FAM184B: variants seen among roughly 807,000 people sequenced by gnomAD.
FAM184B encodes the protein family with sequence similarity 184 member B.
In FAM184B, 111 loss-of-function variants were observed where a neutral mutation model predicts 135.9. That is an observed-to-expected ratio of 0.82 (90% CI 0.70 to 0.96). The LOEUF is 0.96. Among genes scored for constraint, FAM184B ranks in the 40% least tolerant of loss-of-function variants. The pLI is 0.00. For missense variants in FAM184B, 1,375 were observed against 1,323.9 expected (o/e 1.04, Z -0.60); for synonymous variants, 552 against 524.8 (o/e 1.05, Z -0.71).
intron 1 of FAM184B, among the ~76,000 whole-genome samples, chr4:17,737,552 T>C (rs1356243995): frequency 6.6e-6 from 1 of 152,148 alleles, no homozygotes; most frequent in South Asian, 2.1e-4. Context: ...AACATATTCA[T>C]AGAATTTTAA....
At chr4:17,688,679 C>CTTTTTT in intron 6 of FAM184B, 148 bp from the exon 7 acceptor site, 1 of 210,768 alleles carries the variant, frequency 4.7e-6, no homozygotes. Context: ...TCTAGAAATG[C>CTTTTTT]CTTTTTTTTT....
At chr4:17,665,432 A>C (rs1716024242) in intron 7 of FAM184B, among the ~76,000 whole-genome samples, 1 of 152,240 alleles carries the variant, frequency 6.6e-6, no homozygotes, top group Admixed American at 6.5e-5. Flanking sequence ...TGTCCATGAA[A>C]ACAGTATAAG....
At chr4:17,650,700 G>C (rs754992129) in intron 11 of FAM184B, among the ~76,000 whole-genome samples, 3 of 152,148 alleles carry the variant, frequency 2.0e-5, no homozygotes, top group Non-Finnish European at 4.4e-5. Context: ...TCCCATGTAG[G>C]CACCTCCATT....
intron 1 of FAM184B, among the ~76,000 whole-genome samples, chr4:17,724,130 C>T (rs2108973896): frequency 6.6e-6 from 1 of 151,992 alleles, no homozygotes; most frequent in East Asian, 1.9e-4. Flanking sequence ...CACACACACA[C>T]ACACTCACAC....
Position 17,639,241 on chromosome 4 carries a change from C to G in FAM184B, c.2666+9G>C, listed in dbSNP as rs1011841120. 1 of 1,551,348 alleles carries G rather than the reference C, an allele frequency of 6.4e-7. No individual in the cohort carries two copies. Among genetic ancestry groups the G allele is most frequent in the Non-Finnish European group, 8.7e-7 (1 of 1,146,752 alleles). ...CAAGACCCTCCCTGGGGCCCGAGGC[C>G]TCACTTACTCGGCTTCCAGGGCAGC... On this transcript the variant is annotated intron_variant, in intron 14 of 17. Transcript: ENST00000265018.
intron 7 of FAM184B, among the ~76,000 whole-genome samples, chr4:17,681,331 G>A (rs1312055927): frequency 6.6e-6 from 1 of 152,196 alleles, no homozygotes; most frequent in East Asian, 1.9e-4. Context: ...AGGCTCCTAA[G>A]GAGGTCTTGG....
intron 5 of FAM184B, among the ~76,000 whole-genome samples, chr4:17,702,690 G>C (rs1717015476): frequency 6.6e-6 from 1 of 152,168 alleles, no homozygotes; most frequent in African/African-American, 2.4e-5. Context: ...AAACAAGTAA[G>C]TGCAACTTAT....
intron 1 of FAM184B, among the ~76,000 whole-genome samples, chr4:17,721,414 G>T (rs1376301958): frequency 1.7e-5 from 1 of 57,914 alleles, no homozygotes; most frequent in African/African-American, 5.2e-5. Flanking sequence ...AAATCTCTTT[G>T]CCCTAGCAGA....
At chr4:17,681,166 T>A (rs879412197) in intron 7 of FAM184B, among the ~76,000 whole-genome samples, 1 of 152,226 alleles carries the variant, frequency 6.6e-6, no homozygotes, top group Non-Finnish European at 1.5e-5. Flanking sequence ...TAGTGCAGCA[T>A]TGCAGCTTAC....
chr4:17,694,814 A>G (rs1363658613), intron 5 of FAM184B, among the ~76,000 whole-genome samples: 1 of 152,210 alleles, frequency 6.6e-6, no homozygotes, highest in African/African-American at 2.4e-5. Flanking sequence ...ACAAGACGGC[A>G]AACACTAGGT....
intron 1 of FAM184B, among the ~76,000 whole-genome samples, chr4:17,716,292 C>T (rs991451823): frequency 3.9e-5 from 6 of 152,088 alleles, no homozygotes; most frequent in Non-Finnish European, 5.9e-5. Context: ...ACTCCCTTCC[C>T]CTCATTCTAT....
chr4:17,757,089 T>C (rs1718441192), intron 1 of FAM184B, among the ~76,000 whole-genome samples: 1 of 152,210 alleles, frequency 6.6e-6, no homozygotes, highest in South Asian at 2.1e-4. Flanking sequence ...TATGAAGTGT[T>C]CTTGCCAAAA....
intron 1 of FAM184B, among the ~76,000 whole-genome samples, chr4:17,779,265 C>T (rs1435781797): frequency 6.6e-6 from 1 of 152,150 alleles, no homozygotes; most frequent in Non-Finnish European, 1.5e-5. Context: ...AAATAAAACT[C>T]ATAGAAAGAT....
At chr4:17,671,240 C>T (rs1002223575) in intron 7 of FAM184B, among the ~76,000 whole-genome samples, 1 of 152,072 alleles carries the variant, frequency 6.6e-6, no homozygotes, top group African/African-American at 2.4e-5. Flanking sequence ...CAGCTTCAAC[C>T]AGAGGAGGAA....
intron 7 of FAM184B, among the ~76,000 whole-genome samples, chr4:17,680,008 A>C (rs1716399325): frequency 6.6e-6 from 1 of 152,142 alleles, no homozygotes; most frequent in Non-Finnish European, 1.5e-5. Flanking sequence ...GATACAGTGG[A>C]CTTTGGGGAC....
intron 7 of FAM184B, among the ~76,000 whole-genome samples, chr4:17,684,339 CA>C (rs753058749): frequency 8.6e-5 from 13 of 151,476 alleles, no homozygotes; most frequent in Non-Finnish European, 1.8e-4. Context: ...GAAAATAAAA[CA>C]CAACAAGTAG....
intron 7 of FAM184B, among the ~76,000 whole-genome samples, chr4:17,685,202 A>G (rs1300504662): frequency 1.3e-5 from 2 of 150,118 alleles, no homozygotes; most frequent in African/African-American, 4.9e-5. Flanking sequence ...GGAACTTAAA[A>G]AAAAAAAAAA....
rs1715147296 is a variant in FAM184B, at chr4:17,636,661, A to G, written c.2667-16T>C. On this transcript the variant is annotated splice_polypyrimidine_tract_variant and intron_variant, in intron 14 of 17. Coordinates refer to ENST00000265018, the MANE Select transcript of FAM184B (RefSeq NM_015688.2). ...ATCTTTCAGTCTGTTCCAAGCAGGCATGCAGTCAAGTCCCCCTTACAGCAA... is the reference window on the plus strand; with the variant it reads ...ATCTTTCAGTCTGTTCCAAGCAGGCGTGCAGTCAAGTCCCCCTTACAGCAA... 2.6e-6 allele frequency: 4 copies of G among 1,534,718 alleles called. No homozygotes were observed. The highest frequency in any genetic ancestry group is 3.5e-6 in the Non-Finnish European group (4 of 1,138,036).
chr4:17,749,032 C>A lies in FAM184B; in HGVS notation c.141+32127G>T, dbSNP rs1404642644. Among the ~76,000 whole-genome samples the A allele has an allele frequency of 2.0e-5, 3 of 146,562 alleles. No individual in the cohort carries two copies. In the East Asian group the frequency reaches 5.9e-4, roughly 29 times the overall value. On this transcript the variant is annotated intron_variant, in intron 1 of 17. Coordinates refer to ENST00000265018, the MANE Select transcript of FAM184B (RefSeq NM_015688.2). ...TTTTTTTTTAAGAGACAGGGGCTCG[C>A]TATGTTGTCCTGGCTGGTCTCAAAC...
Sources: gnomAD v4.1 joint callset for allele counts (sites outside exome capture counted in the v4.1 genomes callset) on GRCh38, gnomAD v4.1.1 for gene constraint, MANE v1.5 for transcripts, NCBI Gene and HGNC (gene_info 2026-07-23, HGNC 2026-07-21) for gene names.